RIMS2: variants seen among roughly 807,000 people sequenced by gnomAD.
RIMS2 encodes the protein regulating synaptic membrane exocytosis 2.
In RIMS2, 59 loss-of-function variants were observed where a neutral mutation model predicts 174.4. That is an observed-to-expected ratio of 0.34 (90% CI 0.27 to 0.42). The LOEUF (loss-of-function observed/expected upper bound fraction) is 0.42. Ranked by LOEUF, RIMS2 falls within the 10% of genes least tolerant of loss-of-function variation. RIMS2 has a pLI of 1.00. For synonymous variants in RIMS2, 606 were observed against 572.5 expected (o/e 1.06, Z -0.84); for missense variants, 1,620 against 1,666.3 (o/e 0.97, Z 0.48).
At chr8:104,202,200 A>G (rs1044190484) in intron 19 of RIMS2, among the ~76,000 whole-genome samples, 5 of 152,218 alleles carry the variant, frequency 3.3e-5, no homozygotes, top group Admixed American at 2.0e-4. Flanking sequence ...AACTGAAAGC[A>G]TGATACTCAG....
At chr8:104,132,536 G>A (rs1324621855) in intron 19 of RIMS2, among the ~76,000 whole-genome samples, 1 of 152,106 alleles carries the variant, frequency 6.6e-6, no homozygotes, top group African/African-American at 2.4e-5. Context: ...TTTCTGACCT[G>A]CTATATTATA....
intron 3 of RIMS2, among the ~76,000 whole-genome samples, chr8:103,793,040 C>T (rs1317425822): frequency 1.3e-5 from 2 of 152,114 alleles, no homozygotes; most frequent in Non-Finnish European, 2.9e-5. Flanking sequence ...TGAAACTATT[C>T]CAATCAATAG....
intron 19 of RIMS2, among the ~76,000 whole-genome samples, chr8:104,228,132 C>T (rs985441132): frequency 2.6e-5 from 4 of 151,616 alleles, no homozygotes; most frequent in Non-Finnish European, 5.9e-5. Flanking sequence ...AGGTTCACAC[C>T]ATTCTCCTGC....
intron 2 of RIMS2, among the ~76,000 whole-genome samples, chr8:103,744,541 G>A (rs1201518858): frequency 6.6e-6 from 1 of 151,996 alleles, no homozygotes; most frequent in Non-Finnish European, 1.5e-5. Flanking sequence ...AAGCTTAGTA[G>A]GATTCACCTG....
At chr8:104,223,728 C>G in intron 19 of RIMS2, 1 of 1,593,166 alleles carries the variant, frequency 6.3e-7, no homozygotes, top group East Asian at 2.2e-5. Flanking sequence ...AGTAGCCTGT[C>G]TGCCTCCTTC....
chr8:104,013,512 C>T (rs768442036), exon 18 of RIMS2: 47 of 1,613,664 alleles, frequency 2.9e-5, no homozygotes, highest in East Asian at 6.7e-5. Context: ...TCTCCTTGAG[C>T]GGACCACCAC....
chr8:103,538,943 T>C lies in RIMS2; in HGVS notation c.176+37881T>C, dbSNP rs1042630281. The stretch of plus-strand genomic sequence containing the variant: ...ATAGTTTCTAATCTCATCCTGGTCA[T>C]TGCAAATGTGGTTAATTCATTCCTT... On this transcript the variant is annotated intron_variant, in intron 1 of 23. Transcript: ENST00000504942. 4.6e-5 allele frequency among the ~76,000 whole-genome samples: 7 copies of C among 152,374 alleles called. No homozygotes were observed. In the East Asian group the frequency reaches 1.3e-3, roughly 29 times the overall value.
intron 19 of RIMS2, among the ~76,000 whole-genome samples, chr8:104,221,538 G>A (rs1440891720): frequency 6.6e-6 from 1 of 152,072 alleles, no homozygotes; most frequent in Non-Finnish European, 1.5e-5. Flanking sequence ...TACTCATAGA[G>A]TTGTCTGGTT....
At chr8:103,999,325 G>C (rs960119422) in intron 17 of RIMS2, among the ~76,000 whole-genome samples, 1 of 151,664 alleles carries the variant, frequency 6.6e-6, no homozygotes, top group African/African-American at 2.4e-5. Flanking sequence ...AGTAACTTTT[G>C]TAATGTCTTT....
intron 19 of RIMS2, among the ~76,000 whole-genome samples, chr8:104,084,574 T>A (rs1396815457): frequency 6.6e-6 from 1 of 152,110 alleles, no homozygotes; most frequent in Non-Finnish European, 1.5e-5. Flanking sequence ...TTTCGTTTTT[T>A]GTTTTTTATG....
At chr8:103,971,875 G>T (rs771450252) in intron 15 of RIMS2, among the ~76,000 whole-genome samples, 1 of 152,100 alleles carries the variant, frequency 6.6e-6, no homozygotes, top group Admixed American at 6.6e-5. Flanking sequence ...CTGGCCAGTA[G>T]TATACTCTGA....
chr8:103,555,653 C>T (rs1313271000), intron 1 of RIMS2, among the ~76,000 whole-genome samples: 1 of 151,752 alleles, frequency 6.6e-6, no homozygotes, highest in East Asian at 1.9e-4. Context: ...AAAATCTGGC[C>T]AGGCATGGTG....
intron 19 of RIMS2, among the ~76,000 whole-genome samples, chr8:104,169,985 T>G (rs1383262781): frequency 6.6e-6 from 1 of 152,112 alleles, no homozygotes; most frequent in African/African-American, 2.4e-5. Flanking sequence ...AGTGTTCCTT[T>G]TGGAGTTGAT....
At chr8:103,624,019 C>G (rs1311187326) in intron 1 of RIMS2, among the ~76,000 whole-genome samples, 2 of 152,128 alleles carry the variant, frequency 1.3e-5, no homozygotes, top group African/African-American at 2.4e-5. Context: ...TAAAAAGAGA[C>G]TCACTTCTAA....
chr8:103,896,091 T>C (rs1052375812), intron 4 of RIMS2, among the ~76,000 whole-genome samples: 2 of 151,370 alleles, frequency 1.3e-5, no homozygotes, highest in Non-Finnish European at 2.9e-5. Flanking sequence ...ATGTGGAGAG[T>C]GTATTTAGCT....
chr8:103,689,236 TA>T (rs1446928007), intron 1 of RIMS2, among the ~76,000 whole-genome samples: 3 of 152,120 alleles, frequency 2.0e-5, no homozygotes, highest in African/African-American at 7.2e-5. Flanking sequence ...AATTTTATTT[TA>T]TTTTTTTAAT....
chr8:104,240,889 T>C (rs2099287027), intron 19 of RIMS2, among the ~76,000 whole-genome samples: 2 of 152,172 alleles, frequency 1.3e-5, no homozygotes. Context: ...CTAAGTGCTT[T>C]AAATGCATTG....
intron 2 of RIMS2, among the ~76,000 whole-genome samples, chr8:103,765,452 A>G (rs1028542614): frequency 6.6e-6 from 1 of 152,162 alleles, no homozygotes; most frequent in African/African-American, 2.4e-5. Flanking sequence ...CTGTTTCACA[A>G]TGTGAATATA....
intron 2 of RIMS2, among the ~76,000 whole-genome samples, chr8:103,699,204 T>G (rs371247931): frequency 2.0e-5 from 3 of 152,168 alleles, no homozygotes; most frequent in African/African-American, 7.2e-5. Flanking sequence ...ATTCCTGATA[T>G]TGGTAATTTG....
Sources: gnomAD v4.1 joint callset for allele counts (sites outside exome capture counted in the v4.1 genomes callset) on GRCh38, gnomAD v4.1.1 for gene constraint, MANE v1.5 for transcripts, NCBI Gene and HGNC (gene_info 2026-07-23, HGNC 2026-07-21) for gene names.